The following SHISA9 variants were observed in gnomAD, a reference collection of about 807,000 sequenced individuals.
The protein encoded by SHISA9 is shisa family member 9, also known as protein shisa-9.
In SHISA9, 13 loss-of-function variants were observed where a neutral mutation model predicts 38.0. That is an observed-to-expected ratio of 0.34 (90% CI 0.22 to 0.54). SHISA9 has a LOEUF of 0.54. SHISA9 is among the 20% of genes least tolerant of loss of function. SHISA9 has a pLI of 0.91. For missense variants in SHISA9, 538 were observed against 575.8 expected (o/e 0.93, Z 0.67); for synonymous variants, 275 against 242.0 (o/e 1.14, Z -1.27).
chr16:13,119,865 A>G (rs2074068370), intron 2 of SHISA9, among the ~76,000 whole-genome samples: 1 of 152,194 alleles, frequency 6.6e-6, no homozygotes, highest in Admixed American at 6.5e-5. Context: ...GTTGTTGTGG[A>G]TTGCATGAGA....
At chr16:12,943,572 G>A (rs958860826) in intron 2 of SHISA9, among the ~76,000 whole-genome samples, 11 of 152,130 alleles carry the variant, frequency 7.2e-5, no homozygotes, top group African/African-American at 2.7e-4. Context: ...TGTGTAAACT[G>A]CCTTAATAAA....
the SHISA9 span, among the ~76,000 whole-genome samples, chr16:13,419,169 A>G: frequency 6.6e-6 from 1 of 152,268 alleles, no homozygotes; most frequent in Non-Finnish European, 1.5e-5. Context: ...TAATTGGAAA[A>G]ATAAAATTAA....
chr16:12,995,824 C>CTT (rs1295196391), intron 2 of SHISA9, among the ~76,000 whole-genome samples: 1 of 152,150 alleles, frequency 6.6e-6, no homozygotes, highest in Non-Finnish European at 1.5e-5. Context: ...TATTGAGAGG[C>CTT]TTGAGGTCAA....
At chr16:13,226,867 A>G (rs2051284535) in intron 4 of SHISA9, among the ~76,000 whole-genome samples, 2 of 152,220 alleles carry the variant, frequency 1.3e-5, no homozygotes, top group African/African-American at 4.8e-5. Flanking sequence ...GCAGATTTCA[A>G]GAGCCTTAGA....
At chr16:13,166,344 G>A (rs1275793300) in intron 2 of SHISA9, among the ~76,000 whole-genome samples, 1 of 152,086 alleles carries the variant, frequency 6.6e-6, no homozygotes. Context: ...TTGCATCCCA[G>A]CCCTCTTGAT....
intron 2 of SHISA9, among the ~76,000 whole-genome samples, chr16:13,005,200 T>C (rs1177056690): frequency 1.3e-5 from 2 of 152,048 alleles, no homozygotes; most frequent in Non-Finnish European, 2.9e-5. Flanking sequence ...AAGTTTGGGA[T>C]GCTTGGGAGA....
intron 4 of SHISA9, among the ~76,000 whole-genome samples, chr16:13,224,449 A>G (rs2051259431): frequency 6.6e-6 from 1 of 152,174 alleles, no homozygotes; most frequent in South Asian, 2.1e-4. Context: ...ATACAGACTG[A>G]ATGACCAGGA....
At chr16:13,293,750 T>G in the SHISA9 span, among the ~76,000 whole-genome samples, 1 of 152,350 alleles carries the variant, frequency 6.6e-6, no homozygotes, top group Non-Finnish European at 1.5e-5. Flanking sequence ...GCCTTAATTC[T>G]TATTTGCATC....
At chr16:13,465,754 C>T in the SHISA9 span, among the ~76,000 whole-genome samples, 232 of 152,354 alleles carry the variant, frequency 1.5e-3, no homozygotes, top group African/African-American at 4.9e-3. Flanking sequence ...TCTCTCCCCC[C>T]TCTACCTCTC....
the SHISA9 span, among the ~76,000 whole-genome samples, chr16:13,392,042 G>A: frequency 2.0e-5 from 3 of 152,324 alleles, no homozygotes; most frequent in East Asian, 1.9e-4. Flanking sequence ...GAGGAACAAC[G>A]TGTTGCCAGC....
chr16:12,997,374 C>T (rs542480012), intron 2 of SHISA9, among the ~76,000 whole-genome samples: 13 of 149,902 alleles, frequency 8.7e-5, no homozygotes, highest in East Asian at 3.9e-4. Flanking sequence ...CTCCTGTTGA[C>T]GACATTTGAC....
the SHISA9 span, among the ~76,000 whole-genome samples, chr16:13,396,712 T>A: frequency 6.6e-6 from 1 of 152,142 alleles, no homozygotes; most frequent in Non-Finnish European, 1.5e-5. Context: ...CTGGGATGCT[T>A]GTTTGAAAGG....
chr16:13,248,058 A>G, the SHISA9 span, among the ~76,000 whole-genome samples: 14 of 152,312 alleles, frequency 9.2e-5, no homozygotes, highest in Non-Finnish European at 1.6e-4. Context: ...GAATTCTACA[A>G]GTTAGGTGTC....
At chr16:13,093,800 C>A (rs776074892) in intron 2 of SHISA9, among the ~76,000 whole-genome samples, 15 of 152,194 alleles carry the variant, frequency 9.9e-5, no homozygotes, top group Non-Finnish European at 1.5e-4. Flanking sequence ...CACCACACAG[C>A]ACTGCGGGGC....
At position 13,108,440 on chromosome 16, in the gene SHISA9, A is replaced by C. The variant is rs1237495485; in HGVS notation, c.692-94954A>C. On this transcript the variant is annotated intron_variant, in intron 2 of 4. Coordinates refer to ENST00000558583, the MANE Select transcript of SHISA9 (RefSeq NM_001145204.3). ...CCATCATGCCCGGCTAATTTTTTGA[A>C]GTTTTTGGAGTCTTGGGGTCTTGCT... is the stretch of plus-strand genomic sequence containing the variant. Among the ~76,000 whole-genome samples, 3 of 152,112 alleles carry C rather than the reference A, an allele frequency of 2.0e-5. No individual in the cohort carries two copies. In the East Asian group the frequency reaches 5.8e-4, roughly 29 times the overall value.
chr16:13,048,355 A>G (rs902326569), intron 2 of SHISA9, among the ~76,000 whole-genome samples: 7 of 152,222 alleles, frequency 4.6e-5, no homozygotes, highest in East Asian at 3.9e-4. Context: ...CCTAAAGCAA[A>G]TCCAGGCATC....
At chr16:13,476,272 G>C in the SHISA9 span, among the ~76,000 whole-genome samples, 1 of 152,146 alleles carries the variant, frequency 6.6e-6, no homozygotes, top group African/African-American at 2.4e-5. Context: ...CAGGCAATGA[G>C]AAGCCAGACC....
chr16:13,233,513 A>C (rs2051352130), intron 4 of SHISA9, among the ~76,000 whole-genome samples: 1 of 152,230 alleles, frequency 6.6e-6, no homozygotes, highest in South Asian at 2.1e-4. Flanking sequence ...CTGGGTAGTA[A>C]ATATCTCAGG....
At chr16:13,038,824 T>C (rs780238214) in intron 2 of SHISA9, among the ~76,000 whole-genome samples, 16 of 152,250 alleles carry the variant, frequency 1.1e-4, no homozygotes, top group Non-Finnish European at 1.8e-4. Context: ...GAATTACTAG[T>C]GTCTGACACA....
Sources: allele counts gnomAD v4.1 joint callset (sites outside exome capture counted in the v4.1 genomes callset), GRCh38; gene constraint gnomAD v4.1.1; transcripts MANE v1.5; gene names NCBI Gene and HGNC (gene_info 2026-07-23, HGNC 2026-07-21).